SGCD: variants seen among roughly 807,000 people sequenced by gnomAD.
The protein encoded by SGCD is delta-sarcoglycan.
In SGCD, 18 loss-of-function variants were observed where a neutral mutation model predicts 36.6. The ratio of observed to expected loss-of-function variants is 0.49; its 90% CI spans 0.34 to 0.73. SGCD has a LOEUF of 0.73. Among genes scored for constraint, SGCD ranks in the 30% least tolerant of loss-of-function variants. The pLI, the probability that SGCD is intolerant of heterozygous loss-of-function variation, is 0.01. For missense variants in SGCD, 387 were observed against 346.7 expected (o/e 1.12, Z -0.92); for synonymous variants, 133 against 130.6 (o/e 1.02, Z -0.12).
At chr5:155,763,383 A>G in the SGCD span, among the ~76,000 whole-genome samples, 1,061 of 152,280 alleles carry the variant, frequency 7.0e-3, 11 homozygotes, top group African/African-American at 0.025. Flanking sequence ...ATATTATAAC[A>G]GTAATGGAAA....
rs1753917444 is a variant in SGCD, at chr5:156,686,685, TC to T, written c.575+39151del. Among the ~76,000 whole-genome samples, 4 of 152,334 alleles carry T rather than the reference TC, an allele frequency of 2.6e-5. No homozygotes were observed. In the South Asian group the frequency reaches 8.3e-4, roughly 32 times the overall value. On this transcript the variant is annotated intron_variant, in intron 7 of 8. Transcript: ENST00000337851. The stretch of plus-strand genomic sequence containing the variant: ...AGCTGATTATTAAATTTCCTTTAGA[TC>T]CATCAAATGATTTAAGCAAGGTGCT...
chr5:155,819,810 G>A, the SGCD span, among the ~76,000 whole-genome samples: 13 of 152,118 alleles, frequency 8.5e-5, no homozygotes, highest in Admixed American at 1.3e-4. Flanking sequence ...ATGAGTACAA[G>A]GTTTTAGGAA....
At chr5:155,881,246 G>T (rs1271610207) in intron 1 of SGCD, among the ~76,000 whole-genome samples, 3 of 150,970 alleles carry the variant, frequency 2.0e-5, no homozygotes, top group Non-Finnish European at 4.4e-5. Context: ...CCACTTACAG[G>T]CATAGCTTGG....
intron 3 of SGCD, among the ~76,000 whole-genome samples, chr5:156,219,685 CT>C (rs1270723402): frequency 6.6e-6 from 1 of 152,172 alleles, no homozygotes; most frequent in Non-Finnish European, 1.5e-5. Context: ...GCGCTTAGTG[CT>C]GTCTCTTAGT....
intron 1 of SGCD, among the ~76,000 whole-genome samples, chr5:155,991,335 T>C (rs1481046664): frequency 6.6e-6 from 1 of 152,186 alleles, no homozygotes; most frequent in Non-Finnish European, 1.5e-5. Flanking sequence ...CTTAGGGGAA[T>C]ATGAAGCATC....
intron 1 of SGCD, among the ~76,000 whole-genome samples, chr5:155,942,322 G>GTATCTATCTATCTATC (rs1486613471): frequency 0.019 from 1,489 of 79,124 alleles, 9 homozygotes; most frequent in Middle Eastern, 0.029. Context: ...ATGTATGTAT[G>GTATCTATCTATCTATC]TATGTATGTA....
the SGCD span, among the ~76,000 whole-genome samples, chr5:155,776,830 A>T: frequency 6.6e-6 from 1 of 152,174 alleles, no homozygotes; most frequent in Non-Finnish European, 1.5e-5. Flanking sequence ...AGTCAGTTAT[A>T]CTATGGCATG....
chr5:156,268,687 G>C (rs1766069569), intron 3 of SGCD, among the ~76,000 whole-genome samples: 1 of 152,072 alleles, frequency 6.6e-6, no homozygotes, highest in African/African-American at 2.4e-5. Flanking sequence ...CCGCCTCCTT[G>C]GTTCAAGCAA....
chr5:156,007,297 C>T (rs1758777600), intron 1 of SGCD, among the ~76,000 whole-genome samples: 8 of 152,118 alleles, frequency 5.3e-5, no homozygotes, highest in Admixed American at 5.2e-4. Context: ...TTCTGATGGC[C>T]CAGTAAACCC....
intron 2 of SGCD, among the ~76,000 whole-genome samples, chr5:156,120,858 A>G (rs987587215): frequency 1.3e-5 from 2 of 152,192 alleles, no homozygotes; most frequent in Non-Finnish European, 2.9e-5. Flanking sequence ...GCTGAATTAC[A>G]GCATTGTTTG....
rs201962259 is a variant in SGCD, at chr5:156,453,738, A to AAAAC, written c.193-54847_193-54844dup. 2.8e-3 allele frequency among the ~76,000 whole-genome samples: 425 copies of AAAAC among 152,300 alleles called. 1 individual carries two copies. Among genetic ancestry groups the AAAAC allele is most frequent in the African/African-American group, 9.9e-3 (412 of 41,572 alleles). On this transcript the variant is annotated intron_variant, in intron 3 of 8. Coordinates refer to ENST00000337851, the MANE Select transcript of SGCD (RefSeq NM_000337.6). ...CCAAGGTTGAAAATCCCTGGAATAAAAAACAAACAAACAAACAAAAACTCT... is the reference window on the plus strand; with the variant it reads ...CCAAGGTTGAAAATCCCTGGAATAAAAAACAAACAAACAAACAAACAAAAACTCT...
At chr5:156,054,403 A>G (rs1760006996) in intron 1 of SGCD, among the ~76,000 whole-genome samples, 1 of 140,622 alleles carries the variant, frequency 7.1e-6, no homozygotes, top group East Asian at 2.0e-4. Context: ...CTCCTGCCTC[A>G]GCCTCCCAAC....
At chr5:155,750,755 T>G in the SGCD span, among the ~76,000 whole-genome samples, 2 of 152,240 alleles carry the variant, frequency 1.3e-5, no homozygotes, top group African/African-American at 4.8e-5. Context: ...GGGCTAATTT[T>G]GGCCCTTGGC....
At chr5:155,788,961 G>A in the SGCD span, among the ~76,000 whole-genome samples, 2 of 152,162 alleles carry the variant, frequency 1.3e-5, no homozygotes, top group Admixed American at 6.6e-5. Context: ...GGTGATTGGA[G>A]AAAGCATTTG....
At chr5:156,010,567 G>A (rs763903799) in intron 1 of SGCD, among the ~76,000 whole-genome samples, 18 of 152,022 alleles carry the variant, frequency 1.2e-4, no homozygotes, top group Admixed American at 2.6e-4. Flanking sequence ...GTATCTAGTC[G>A]ACTGTAACTT....
chr5:155,877,970 A>T (rs887820234), intron 1 of SGCD, among the ~76,000 whole-genome samples: 1 of 152,064 alleles, frequency 6.6e-6, no homozygotes, highest in Non-Finnish European at 1.5e-5. Flanking sequence ...TTTGTTTAGC[A>T]GTTAAAGTAA....
chr5:155,856,581 A>T, the SGCD span, among the ~76,000 whole-genome samples: 1 of 152,134 alleles, frequency 6.6e-6, no homozygotes, highest in Non-Finnish European at 1.5e-5. Context: ...AGAGTGGGAA[A>T]AAAATTTTAA....
At chr5:156,423,426 A>T (rs11135199) in intron 3 of SGCD, among the ~76,000 whole-genome samples, 63,385 of 95,480 alleles carry the variant, frequency 0.66, 22,466 homozygotes, top group African/African-American at 0.85. Flanking sequence ...TTATATTTTA[A>T]TAAAATATAA....
intron 3 of SGCD, among the ~76,000 whole-genome samples, chr5:156,397,653 A>G (rs1054514820): frequency 3.3e-5 from 5 of 152,186 alleles, no homozygotes; most frequent in African/African-American, 9.7e-5. Context: ...ACATGTGGGA[A>G]AAGCATCCCT....
Sources: gnomAD v4.1 joint callset for allele counts (sites outside exome capture counted in the v4.1 genomes callset) on GRCh38, gnomAD v4.1.1 for gene constraint, MANE v1.5 for transcripts, NCBI Gene and HGNC (gene_info 2026-07-23, HGNC 2026-07-21) for gene names.